CREBBP: variants seen among roughly 807,000 people sequenced by gnomAD.
The protein encoded by CREBBP is CREB binding lysine acetyltransferase.
CREBBP carries 19 observed loss-of-function variants against 265.0 expected under a neutral mutation model. That is an observed-to-expected ratio of 0.07 (90% CI 0.05 to 0.11). The LOEUF (loss-of-function observed/expected upper bound fraction) is 0.11, where lower values mean the gene tolerates loss of function less well. Among genes scored for constraint, CREBBP ranks in the 10% least tolerant of loss-of-function variants. CREBBP has a pLI of 1.00. For missense variants in CREBBP, 2,525 were observed against 3,219.0 expected (o/e 0.78, Z 5.22); for synonymous variants, 1,457 against 1,223.7 (o/e 1.19, Z -3.98).
In CREBBP at chr16:3,792,026, C is replaced by T; in HGVS notation, c.1285G>A (p.Val429Ile). Residue 429 changes from valine to isoleucine, a missense_variant, in exon 5 of 31, where the codon GTT (valine) becomes ATT (isoleucine). Physicochemically the swap from Val to Ile is conservative, Grantham distance 29 (BLOSUM62 3). Transcript: ENST00000262367. The part of the protein sequence containing the change: ...WKNCTRHDCP[V>I]CLPLKNASDK... The stretch of plus-strand genomic sequence containing the variant: ...CTGGCATTTTTCAAAGGGAGGCAAA[C>T]AGGACAGTCATGTCGTGTGCAGTTC... The T allele has an allele frequency of 6.2e-7, 1 of 1,614,216 alleles. No individual in the cohort carries two copies. Among genetic ancestry groups the T allele is most frequent in the East Asian group, 2.2e-5 (1 of 44,886 alleles).
intron 2 of CREBBP, among the ~76,000 whole-genome samples, chr16:3,845,023 T>A (rs2054636844): frequency 6.6e-6 from 1 of 152,192 alleles, no homozygotes; most frequent in African/African-American, 2.4e-5. Flanking sequence ...TAAAATGACT[T>A]ATAAAGTTGT....
intron 6 of CREBBP, 25 bp downstream of exon 6, chr16:3,782,659 C>G (rs192344976): frequency 6.2e-7 from 1 of 1,613,294 alleles, no homozygotes; most frequent in Non-Finnish European, 8.5e-7. Context: ...CAAGTAAGAA[C>G]GAAGTTGAGA....
chr16:3,848,041 G>A (rs778820931), intron 2 of CREBBP, among the ~76,000 whole-genome samples: 3 of 151,942 alleles, frequency 2.0e-5, no homozygotes, highest in South Asian at 4.2e-4. Context: ...GCAGTGGCAC[G>A]CGCCTGTAAT....
chr16:3,868,854 G>T (rs1034738444), intron 1 of CREBBP, among the ~76,000 whole-genome samples: 4 of 152,174 alleles, frequency 2.6e-5, no homozygotes, highest in African/African-American at 9.7e-5. Context: ...GCCCAGCAGG[G>T]TGCCCCACAC....
At chr16:3,870,573 T>C (rs2055272977) in intron 1 of CREBBP, among the ~76,000 whole-genome samples, 1 of 152,210 alleles carries the variant, frequency 6.6e-6, no homozygotes, top group Admixed American at 6.5e-5. Flanking sequence ...GTCAAACGAT[T>C]ACCCATTTTG....
In CREBBP at chr16:3,740,448, C is replaced by A; in HGVS notation, c.4084G>T (p.Val1362Leu). The change falls in exon 24 of 31, where the codon GTG (valine) becomes TTG (leucine). Residue 1362 changes from valine to leucine, a missense_variant. By Grantham distance (32) the Val-to-Leu change is conservative. This residue lies in a region of CREBBP where 252 missense variants were observed against 452.5 expected (regional missense o/e 0.56). Coordinates refer to ENST00000262367, the MANE Select transcript of CREBBP (RefSeq NM_004380.3). The stretch of plus-strand genomic sequence containing the variant: ...TCCACCGTCTTGTCTGAGCTGGCCA[C>A]CACTCGGACAAAAACCTCCCCGGCT... The part of the protein sequence containing the change: ...PEAGEVFVRV[V>L]ASSDKTVEVK... 6.2e-7 allele frequency: 1 copy of A among 1,614,176 alleles called. No individual in the cohort carries two copies. Among genetic ancestry groups the A allele is most frequent in the Non-Finnish European group, 8.5e-7 (1 of 1,180,032 alleles).
intron 1 of CREBBP, among the ~76,000 whole-genome samples, chr16:3,873,898 A>G (rs1053858394): frequency 6.6e-6 from 1 of 152,172 alleles, no homozygotes; most frequent in African/African-American, 2.4e-5. Flanking sequence ...CAAATACTAT[A>G]TAATTCTTTC....
At chr16:3,779,746 A>G (rs1044770964) in intron 8 of CREBBP, among the ~76,000 whole-genome samples, 3 of 152,232 alleles carry the variant, frequency 2.0e-5, no homozygotes, top group African/African-American at 7.2e-5. Flanking sequence ...ACTAAAAAAA[A>G]TTTGATCAAA....
chr16:3,773,620 A>C, intron 13 of CREBBP, 131 bp downstream of exon 13: 1 of 939,526 alleles, frequency 1.1e-6, no homozygotes, highest in African/African-American at 1.7e-5. Context: ...AACAAAGAGA[A>C]GCTGATACAA....
At chr16:3,850,192 C>T (rs1597052698) in intron 2 of CREBBP, 105 bp downstream of exon 2, 2 of 1,129,110 alleles carry the variant, frequency 1.8e-6, no homozygotes, top group African/African-American at 3.1e-5. Context: ...GTGGAGAGCC[C>T]AAGAGGAAAA....
At chr16:3,780,689 G>A in intron 8 of CREBBP, 43 bp downstream of exon 8, 2 of 1,608,476 alleles carry the variant, frequency 1.2e-6, no homozygotes, top group African/African-American at 1.3e-5. Flanking sequence ...GGCAACACAG[G>A]AATAAAATCA....
chr16:3,807,249 G>A (rs778570682), intron 3 of CREBBP, among the ~76,000 whole-genome samples: 5 of 152,078 alleles, frequency 3.3e-5, no homozygotes, highest in Non-Finnish European at 7.3e-5. Flanking sequence ...GAGGGGAGAG[G>A]AACAAGAGCT....
At chr16:3,832,632 G>C (rs994163352) in intron 2 of CREBBP, among the ~76,000 whole-genome samples, 2 of 152,156 alleles carry the variant, frequency 1.3e-5, no homozygotes, top group African/African-American at 2.4e-5. Context: ...TAACAAAATT[G>C]TAAGTATTTG....
intron 2 of CREBBP, among the ~76,000 whole-genome samples, chr16:3,816,313 T>C (rs962958566): frequency 4.1e-4 from 63 of 152,160 alleles, no homozygotes; most frequent in East Asian, 5.8e-4. Flanking sequence ...AGAGTAAAAA[T>C]ATGTAATGCA....
chr16:3,834,583 G>C (rs2054404995), intron 2 of CREBBP, among the ~76,000 whole-genome samples: 1 of 152,142 alleles, frequency 6.6e-6, no homozygotes, highest in South Asian at 2.1e-4. Flanking sequence ...AAAATACTCT[G>C]CATGACACTA....
At chr16:3,856,206 T>G (rs956714838) in intron 1 of CREBBP, among the ~76,000 whole-genome samples, 14 of 152,246 alleles carry the variant, frequency 9.2e-5, no homozygotes, top group African/African-American at 3.1e-4. Context: ...GCTCACTGTA[T>G]CCTCAAACTC....
In CREBBP at chr16:3,728,423, T is replaced by C. The variant is rs142545779; in HGVS notation, c.6624A>G (p.Gln2208=). 3,037 of 1,612,536 alleles carry C rather than the reference T, an allele frequency of 1.9e-3. 47 individuals carry two copies. In the African/African-American group the frequency reaches 0.031, roughly 17 times the overall value. Residue 2208 remains glutamine (Q), a synonymous_variant, in exon 31 of 31, where the codon CAA becomes CAG. Coordinates refer to ENST00000262367, the MANE Select transcript of CREBBP (RefSeq NM_004380.3). The surrounding 1 kb of genome is among the most constrained non-coding windows in gnomAD (Gnocchi z 8.7). ...LQQQQQQQQQ[Q]QQQQQQQQGS... ...CTTGCTGCTGCTGCTGTTGCTGCTGTTGTTGCTGCTGCTGTTGCTGCTGCT... is the reference window on the plus strand; with the variant it reads ...CTTGCTGCTGCTGCTGTTGCTGCTGCTGTTGCTGCTGCTGTTGCTGCTGCT...
chr16:3,823,066 C>T (rs992870140), intron 2 of CREBBP, among the ~76,000 whole-genome samples: 8 of 152,158 alleles, frequency 5.3e-5, no homozygotes, highest in African/African-American at 1.9e-4. Flanking sequence ...AATGTATAAT[C>T]CCCATAAAAC....
intron 3 of CREBBP, 94 bp from the exon 4 acceptor site, chr16:3,793,720 G>T (rs915392426): frequency 4.2e-6 from 6 of 1,417,674 alleles, no homozygotes; most frequent in Non-Finnish European, 5.8e-6. Context: ...AAAGCTGATG[G>T]ATAATACCGA....
Sources: allele counts gnomAD v4.1 joint callset (sites outside exome capture counted in the v4.1 genomes callset), GRCh38; gene constraint gnomAD v4.1.1; regional missense constraint gnomAD v4.1.1; non-coding constraint Gnocchi (gnomAD v3.1); transcripts MANE v1.5; gene names NCBI Gene and HGNC (gene_info 2026-07-23, HGNC 2026-07-21).